The following ANKRD55 variants were observed in gnomAD, a reference collection of about 807,000 sequenced individuals.
ANKRD55 encodes ankyrin repeat domain-containing protein 55.
Under a neutral mutation model 60.6 loss-of-function variants are expected in ANKRD55, and 41 were observed. That is an observed-to-expected ratio of 0.68 (90% confidence interval 0.53 to 0.88). ANKRD55 has a LOEUF of 0.88. Ranked by LOEUF, ANKRD55 falls within the 40% of genes least tolerant of loss-of-function variation. The pLI, the probability that ANKRD55 is intolerant of heterozygous loss-of-function variation, is 0.00. For missense variants in ANKRD55, 732 were observed against 767.6 expected (o/e 0.95, Z 0.55); for synonymous variants, 264 against 290.3 (o/e 0.91, Z 0.92).
chr5:56,206,564 T>C (rs988699119), intron 2 of ANKRD55, among the ~76,000 whole-genome samples: 1 of 152,108 alleles, frequency 6.6e-6, no homozygotes, highest in African/African-American at 2.4e-5. Context: ...TGGGGAGAAG[T>C]GTTAGTGGTA....
intron 2 of ANKRD55, chr5:56,193,242 T>C (rs1759144465): frequency 2.9e-6 from 3 of 1,042,090 alleles, no homozygotes; most frequent in Non-Finnish European, 4.2e-6. Context: ...AACAGACAAG[T>C]GTCACATAGT....
At chr5:56,154,367 C>G (rs1758139505) in intron 6 of ANKRD55, among the ~76,000 whole-genome samples, 1 of 152,032 alleles carries the variant, frequency 6.6e-6, no homozygotes, top group Non-Finnish European at 1.5e-5. Context: ...TTGTTCAAAA[C>G]ATTGAGCAGC....
At chr5:56,231,290 T>C (rs1458126410) in intron 2 of ANKRD55, among the ~76,000 whole-genome samples, 20 of 152,150 alleles carry the variant, frequency 1.3e-4, no homozygotes, top group Admixed American at 1.3e-3. Context: ...ACATGAAAGG[T>C]GTTAAAAGAA....
intron 7 of ANKRD55, chr5:56,127,741 C>T (rs148698174): frequency 0.013 from 2,662 of 204,184 alleles, 41 homozygotes; most frequent in Admixed American, 0.04. Flanking sequence ...GACTACAGAA[C>T]ATTATGCCTT....
intron 10 of ANKRD55, among the ~76,000 whole-genome samples, chr5:56,107,999 A>G (rs1163959945): frequency 2.0e-5 from 3 of 151,648 alleles, no homozygotes; most frequent in Non-Finnish European, 4.4e-5. Flanking sequence ...CCCCCCAAGT[A>G]GCTGAGACCA....
chr5:56,218,074 A>T (rs1211840241), intron 2 of ANKRD55, among the ~76,000 whole-genome samples: 2 of 152,186 alleles, frequency 1.3e-5, no homozygotes, highest in Non-Finnish European at 2.9e-5. Context: ...ATATGATTAA[A>T]TTGCTGCAAT....
intron 10 of ANKRD55, among the ~76,000 whole-genome samples, chr5:56,104,241 T>A (rs1044675476): frequency 5.3e-5 from 8 of 152,202 alleles, no homozygotes; most frequent in Admixed American, 2.6e-4. Context: ...CACTTTTTCT[T>A]GTGAGATACA....
At position 56,174,686 on chromosome 5, in the gene ANKRD55, G is replaced by C. The variant is rs144679115; in HGVS notation, c.312+1466C>G. On this transcript the variant is annotated intron_variant, in intron 4 of 11. Transcript: ENST00000341048. The stretch of plus-strand genomic sequence containing the variant: ...GTCTCTACTAAAAATACAAAAATTA[G>C]CTGGGTGTGGTGGTGCATGCCTGTA... 9.0e-4 allele frequency among the ~76,000 whole-genome samples: 137 copies of C among 152,192 alleles called. 4 individuals are homozygous for C. In the Middle Eastern group the frequency reaches 0.02, roughly 23 times the overall value.
intron 2 of ANKRD55, among the ~76,000 whole-genome samples, chr5:56,231,928 C>T (rs913804146): frequency 1.2e-4 from 19 of 152,022 alleles, no homozygotes; most frequent in African/African-American, 4.6e-4. Context: ...CTTAATGAGG[C>T]TTTTTCAAAC....
intron 2 of ANKRD55, among the ~76,000 whole-genome samples, chr5:56,210,601 A>G (rs531523809): frequency 6.6e-6 from 1 of 151,230 alleles, no homozygotes; most frequent in Non-Finnish European, 1.5e-5. Flanking sequence ...TGCTTTATAT[A>G]CAGTAAAGAC....
intron 9 of ANKRD55, among the ~76,000 whole-genome samples, chr5:56,112,169 G>C (rs1319820027): frequency 1.3e-5 from 2 of 152,116 alleles, no homozygotes; most frequent in Admixed American, 6.5e-5. Flanking sequence ...TGAAGTCAGA[G>C]ATGAAGCCTA....
chr5:56,164,690 G>A (rs1171216592), intron 5 of ANKRD55, among the ~76,000 whole-genome samples: 1 of 152,132 alleles, frequency 6.6e-6, no homozygotes. Context: ...TAATGATCAT[G>A]CCCCCTCTTT....
intron 2 of ANKRD55, among the ~76,000 whole-genome samples, chr5:56,203,357 A>T (rs1238357455): frequency 1.3e-5 from 2 of 152,044 alleles, no homozygotes; most frequent in African/African-American, 4.8e-5. Flanking sequence ...TAATTTTATT[A>T]TTATTATACT....
At chr5:56,122,213 T>C (rs1309649330) in intron 8 of ANKRD55, among the ~76,000 whole-genome samples, 1 of 152,218 alleles carries the variant, frequency 6.6e-6, no homozygotes, top group Non-Finnish European at 1.5e-5. Flanking sequence ...GGACTTGTAG[T>C]AGCTTAGGCA....
chr5:56,214,262 G>A (rs751306186), intron 2 of ANKRD55, among the ~76,000 whole-genome samples: 3 of 152,224 alleles, frequency 2.0e-5, no homozygotes, highest in Non-Finnish European at 4.4e-5. Flanking sequence ...ATTCATTAGA[G>A]AGGAAGTGAA....
chr5:56,213,612 T>C (rs1417099981), intron 2 of ANKRD55, among the ~76,000 whole-genome samples: 1 of 152,052 alleles, frequency 6.6e-6, no homozygotes, highest in East Asian at 1.9e-4. Context: ...GCTTCAAAAC[T>C]AGATAGATTA....
intron 8 of ANKRD55, among the ~76,000 whole-genome samples, chr5:56,121,883 A>C (rs1163487056): frequency 6.6e-6 from 1 of 152,196 alleles, no homozygotes; most frequent in Non-Finnish European, 1.5e-5. Flanking sequence ...CTGTGAGTAG[A>C]AATAAGAATT....
chr5:56,112,124 C>T lies in ANKRD55; in HGVS notation c.966-342G>A, dbSNP rs543674264. On this transcript the variant is annotated intron_variant, in intron 9 of 11. Coordinates refer to ENST00000341048, the MANE Select transcript of ANKRD55 (RefSeq NM_024669.3). ...CTGAAAATTAGCTGAAAGTGTTGTT[C>T]TCACATCTCAAGGACAGTCAGTAGG... Among the ~76,000 whole-genome samples, 6 of 152,212 alleles carry T rather than the reference C, an allele frequency of 3.9e-5. No individual in the cohort carries two copies. The South Asian group carries it at 1.2e-3, about 32-fold the overall frequency.
intron 3 of ANKRD55, among the ~76,000 whole-genome samples, chr5:56,181,312 A>G (rs1329592440): frequency 6.6e-6 from 1 of 152,160 alleles, no homozygotes; most frequent in Non-Finnish European, 1.5e-5. Flanking sequence ...TCAAACTTTC[A>G]CCGTTAAGTA....
Sources: allele counts gnomAD v4.1 joint callset (sites outside exome capture counted in the v4.1 genomes callset), GRCh38; gene constraint gnomAD v4.1.1; transcripts MANE v1.5; gene names NCBI Gene and HGNC (gene_info 2026-07-23, HGNC 2026-07-21).